The following RPS6KA3 variants were observed in gnomAD, a reference collection of about 807,000 sequenced individuals.
RPS6KA3 encodes ribosomal protein S6 kinase alpha-3.
RPS6KA3 carries 4 observed loss-of-function variants against 67.2 expected under a neutral mutation model. The ratio of observed to expected loss-of-function variants is 0.06; its 90% confidence interval spans 0.03 to 0.14. RPS6KA3 has a LOEUF of 0.14. Among genes scored for constraint, RPS6KA3 ranks in the 10% least tolerant of loss-of-function variants. The probability of loss-of-function intolerance (pLI) is 1.00; values close to 1 mark genes in which losing one functional copy is unlikely to be tolerated. For missense variants in RPS6KA3, 204 were observed against 559.0 expected (o/e 0.36, Z 6.40); for synonymous variants, 182 against 183.7 (o/e 0.99, Z 0.07).
rs190312376 is a variant in RPS6KA3, at chrX:20,172,088, T to C, written c.1353+658A>G. Among the ~76,000 whole-genome samples the C allele has an allele frequency of 8.7e-3, 978 of 112,134 alleles. 18 individuals carry two copies. Among genetic ancestry groups the C allele is most frequent in the African/African-American group, 0.03 (931 of 30,933 alleles). The stretch of plus-strand genomic sequence containing the variant: ...GCTATGTATATTTATAAACCAGTCC[T>C]AAGGTTCAAACAAGTTGAAAGCTTT... On this transcript the variant is annotated intron_variant, in intron 15 of 21. Transcript: ENST00000379565.
chrX:20,165,293 G>C (rs191362693), intron 17 of RPS6KA3, among the ~76,000 whole-genome samples: 53 of 111,816 alleles, frequency 4.7e-4, no homozygotes, highest in Non-Finnish European at 7.7e-4. Context: ...TTGTCCAACT[G>C]AGTAATTGGG....
intron 1 of RPS6KA3, among the ~76,000 whole-genome samples, chrX:20,250,423 G>A (rs2069832080): frequency 9.0e-6 from 1 of 111,328 alleles, no homozygotes; most frequent in Non-Finnish European, 1.9e-5. Flanking sequence ...TTGAACTCCT[G>A]GCCTCAAGTG....
Position 20,191,620 on chromosome X carries a change from A to C in RPS6KA3, c.593+1867T>G, listed in dbSNP as rs557774758. ...TTTGATTTGCATTTCTCTAATGACC[A>C]GGGATGATGAGCTTTTCTTTCATAT... On this transcript the variant is annotated intron_variant, in intron 7 of 21. Transcript: ENST00000379565. Among the ~76,000 whole-genome samples, 33 of 104,290 alleles carry C rather than the reference A, an allele frequency of 3.2e-4. 1 individual carries two copies. The South Asian group carries it at 0.013, about 40-fold the overall frequency. The allele number at this position is 104,290 out of a possible 115,157, so 90.6% of individuals were successfully genotyped here. A position where few individuals can be genotyped will look rare whatever the true frequency, so the allele number is the denominator to read the frequency against.
chrX:20,188,568 T>C (rs770962064), intron 7 of RPS6KA3, 34 bp from the exon 8 acceptor site: 22 of 747,841 alleles, frequency 2.9e-5, no homozygotes, highest in Non-Finnish European at 4.5e-5. Flanking sequence ...TTAAGAACAC[T>C]AAATAGAGAT....
intron 1 of RPS6KA3, among the ~76,000 whole-genome samples, chrX:20,247,892 T>C (rs1252255270): frequency 9.0e-6 from 1 of 111,581 alleles, no homozygotes; most frequent in African/African-American, 3.2e-5. Flanking sequence ...AACCTTCAAA[T>C]CCTATTGAAA....
intron 2 of RPS6KA3, among the ~76,000 whole-genome samples, chrX:20,234,453 C>T (rs1352047825): frequency 3.6e-5 from 4 of 111,379 alleles, no homozygotes; most frequent in South Asian, 7.5e-4. Context: ...CCAGCCTGGG[C>T]GACAAGAACA....
chrX:20,257,244 G>A (rs1475945048), intron 1 of RPS6KA3, among the ~76,000 whole-genome samples: 1 of 112,041 alleles, frequency 8.9e-6, no homozygotes, highest in Non-Finnish European at 1.9e-5. Context: ...TGATCTTAAC[G>A]TACCCCTCAC....
At chrX:20,185,286 T>A in intron 10 of RPS6KA3, among the ~76,000 whole-genome samples, 1 of 112,225 alleles carries the variant, frequency 8.9e-6, no homozygotes, top group East Asian at 2.8e-4. Flanking sequence ...AGACATGGAA[T>A]AGATTTTTGT....
chrX:20,214,819 T>C (rs2068804727), intron 2 of RPS6KA3, among the ~76,000 whole-genome samples: 1 of 109,137 alleles, frequency 9.2e-6, no homozygotes, highest in Admixed American at 9.8e-5. Context: ...TATTTTCTGT[T>C]TCCACTTTTT....
chrX:20,251,867 G>C (rs2069880430), intron 1 of RPS6KA3, among the ~76,000 whole-genome samples: 1 of 112,038 alleles, frequency 8.9e-6, no homozygotes, highest in Non-Finnish European at 1.9e-5. Flanking sequence ...GAATCTGTAA[G>C]ATTATGTCTT....
At chrX:20,193,629 CTTTTT>C in intron 6 of RPS6KA3, 36 bp from the exon 7 acceptor site, 2 of 894,411 alleles carry the variant, frequency 2.2e-6, no homozygotes, top group Non-Finnish European at 3.2e-6. Context: ...AATTTATTTT[CTTTTT>C]GTGTCTGTAA....
chrX:20,209,177 T>C (rs1342476092), intron 3 of RPS6KA3, 111 bp downstream of exon 3: 6 of 530,717 alleles, frequency 1.1e-5, no homozygotes, highest in Non-Finnish European at 1.4e-5. Context: ...ACAGAAAACA[T>C]TGCTGGTAGG....
At chrX:20,227,380 T>G (rs2069149007) in intron 2 of RPS6KA3, among the ~76,000 whole-genome samples, 1 of 112,005 alleles carries the variant, frequency 8.9e-6, no homozygotes, top group Non-Finnish European at 1.9e-5. Context: ...TTCCAGCGAC[T>G]TCCCAAAATA....
At position 20,167,708 on chromosome X, in the gene RPS6KA3, G is replaced by A. The variant is rs937495958; in HGVS notation, c.1483C>T (p.Leu495Phe). 8.5e-7 allele frequency: 1 copy of A among 1,178,685 alleles called. No homozygotes were observed. The highest frequency in any genetic ancestry group is 1.2e-6 in the Non-Finnish European group (1 of 865,397). The change falls in exon 17 of 22, where the codon CTT (leucine) becomes TTT (phenylalanine). Residue 495 changes from leucine to phenylalanine, a missense_variant. Coordinates refer to ENST00000379565, the MANE Select transcript of RPS6KA3 (RefSeq NM_004586.3). ...DGKYVYVVTE[L>F]MKGGELLDKI... ...TCCAGCAATTCACCTCCTTTCATAA[G>A]TTCTGTTACTACATACACATACTTT...
chrX:20,254,310 A>C (rs1275366435), intron 1 of RPS6KA3, among the ~76,000 whole-genome samples: 1 of 111,860 alleles, frequency 8.9e-6, no homozygotes. Context: ...GAAACTATAG[A>C]CTAGTTTAGG....
intron 1 of RPS6KA3, among the ~76,000 whole-genome samples, chrX:20,253,851 T>C (rs1288492106): frequency 9.1e-6 from 1 of 109,312 alleles, no homozygotes; most frequent in Non-Finnish European, 1.9e-5. Flanking sequence ...CAAAAGAAAA[T>C]AAATCCATTT....
At chrX:20,259,899 C>G (rs1488055021) in intron 1 of RPS6KA3, among the ~76,000 whole-genome samples, 2 of 111,208 alleles carry the variant, frequency 1.8e-5, no homozygotes, top group East Asian at 5.6e-4. Flanking sequence ...CTTTTAACAT[C>G]ATATCTCCAG....
rs58446076 is a variant in RPS6KA3 at position 20,222,416 on chromosome X, A to G, written c.126+12342T>C. On this transcript the variant is annotated intron_variant, in intron 2 of 21. Coordinates refer to ENST00000379565, the MANE Select transcript of RPS6KA3 (RefSeq NM_004586.3). ...ACATTATTACCTATCTCAAAAACCTATGAGTCCTTTCTGGTCTTTCCTTTC... is the reference window on the plus strand; with the variant it reads ...ACATTATTACCTATCTCAAAAACCTGTGAGTCCTTTCTGGTCTTTCCTTTC... 8.5e-3 allele frequency among the ~76,000 whole-genome samples: 952 copies of G among 111,869 alleles called. 13 individuals are homozygous for G. Among genetic ancestry groups the G allele is most frequent in the African/African-American group, 0.029 (907 of 30,853 alleles).
rs766708982 is a variant in RPS6KA3 at position 20,254,030 on chromosome X, A to AGAG, written c.69+12533_69+12534insCTC. On this transcript the variant is annotated intron_variant, in intron 1 of 21. Transcript: ENST00000379565. ...TATGACATTTCTCTAAGGATTACTTAATATGAACATCCATTTTGATAGCTA... is the reference window on the plus strand; with the variant it reads ...TATGACATTTCTCTAAGGATTACTTAGAGATATGAACATCCATTTTGATAGCTA... 6.8e-4 allele frequency among the ~76,000 whole-genome samples: 76 copies of AGAG among 112,053 alleles called. 1 individual carries two copies. In the South Asian group the frequency reaches 0.027, roughly 39 times the overall value.
Sources: gnomAD v4.1 joint callset for allele counts (sites outside exome capture counted in the v4.1 genomes callset) on GRCh38, gnomAD v4.1.1 for gene constraint, MANE v1.5 for transcripts, NCBI Gene and HGNC (gene_info 2026-07-23, HGNC 2026-07-21) for gene names.